Variants in PEAK1 observed in about 807,000 individuals in gnomAD.
PEAK1 encodes the protein inactive tyrosine-protein kinase PEAK1.
Under a neutral mutation model 124.7 loss-of-function variants are expected in PEAK1, and 54 were observed. That is an observed-to-expected ratio of 0.43 (90% confidence interval 0.35 to 0.54). The LOEUF (loss-of-function observed/expected upper bound fraction) is 0.54. Among genes scored for constraint, PEAK1 ranks in the 20% least tolerant of loss-of-function variants. The probability of loss-of-function intolerance (pLI) is 0.01; values close to 1 mark genes in which losing one functional copy is unlikely to be tolerated. For synonymous variants in PEAK1, 719 were observed against 760.0 expected (o/e 0.95, Z 0.89); for missense variants, 2,046 against 2,134.5 (o/e 0.96, Z 0.82).
Position 77,133,403 on chromosome 15 carries a change from G to A in PEAK1, c.3679C>T (p.Pro1227Ser). ...ATGCTGTTTGCTGCTGAGGGGACAG[G>A]TCTCTCCTTGCGCAAAGGCCTTTCC... ...SLERPLRKER[P>S]VPSAANSISS... The change falls in exon 9 of 10, where the codon CCT becomes TCT. Residue 1227 changes from proline to serine, a missense_variant. By Grantham distance (74) the Pro-to-Ser change is moderately conservative. Coordinates refer to ENST00000682557, the MANE Select transcript of PEAK1 (RefSeq NM_001385026.1). This position sits in a 1 kb window ranked among gnomAD's most constrained non-coding sequence, Gnocchi z 4.2. The A allele has an allele frequency of 6.2e-7, 1 of 1,614,176 alleles. No homozygotes were observed. Among genetic ancestry groups the A allele is most frequent in the Non-Finnish European group, 8.5e-7 (1 of 1,180,030 alleles).
At chr15:77,246,973 G>A (rs930845006) in intron 6 of PEAK1, among the ~76,000 whole-genome samples, 8 of 152,130 alleles carry the variant, frequency 5.3e-5, no homozygotes, top group Non-Finnish European at 1.2e-4. Context: ...AGCCGAGATC[G>A]TGCCAGTGAA....
intron 6 of PEAK1, among the ~76,000 whole-genome samples, chr15:77,218,471 C>A (rs117873713): frequency 4.6e-5 from 7 of 151,738 alleles, no homozygotes; most frequent in Non-Finnish European, 7.4e-5. Flanking sequence ...CACTGCAACC[C>A]TGGGATGATT....
At chr15:77,349,516 T>C (rs1054934352) in intron 2 of PEAK1, 17 of 985,010 alleles carry the variant, frequency 1.7e-5, no homozygotes, top group African/African-American at 1.0e-4. Flanking sequence ...TAATATAATG[T>C]AGCAAGACTT....
chr15:77,293,451 A>C (rs2063327250), intron 2 of PEAK1, among the ~76,000 whole-genome samples: 1 of 152,172 alleles, frequency 6.6e-6, no homozygotes, highest in African/African-American at 2.4e-5. Flanking sequence ...CCCTCTTTGA[A>C]TATGCCATGC....
In PEAK1 at chr15:77,182,007, A is replaced by G. The variant is rs1193144577; in HGVS notation, c.-81T>C. ...TCATCTGTTAGTTTTCACTTCCCCT[A>G]TGTGTTACAGCAGCTCTTCTAAGAA... On this transcript the variant is annotated 5_prime_UTR_variant, in exon 7 of 10. Coordinates refer to ENST00000682557, the MANE Select transcript of PEAK1 (RefSeq NM_001385026.1). 4.0e-6 allele frequency: 6 copies of G among 1,496,856 alleles called. No homozygotes were observed. In the East Asian group the frequency reaches 9.1e-5, roughly 23 times the overall value. 92.7% of individuals were successfully genotyped at this position (1,496,856 alleles called of 1,614,324 possible).
Position 77,133,233 on chromosome 15 carries a change from C to T in PEAK1, c.3849G>A (p.Arg1283=). Reference sequence around the variant, plus strand: ...TTCGGATTTTACCCACTACTTCCTCCCGATTCTCAAGTCCTCGATAAAGTG... The same window carrying T: ...TTCGGATTTTACCCACTACTTCCTCTCGATTCTCAAGTCCTCGATAAAGTG... ...RQALYRGLEN[R]EEVVGKIRSL... Residue 1283 remains arginine, a synonymous_variant, in exon 9 of 10, where the codon CGG becomes CGA. Coordinates refer to ENST00000682557, the MANE Select transcript of PEAK1 (RefSeq NM_001385026.1). The surrounding 1 kb of genome is among the most constrained non-coding windows in gnomAD (Gnocchi z 4.2). 1 of 1,614,234 alleles carries T rather than the reference C, an allele frequency of 6.2e-7. No homozygotes were observed. Among genetic ancestry groups the T allele is most frequent in the Non-Finnish European group, 8.5e-7 (1 of 1,180,044 alleles).
chr15:77,171,416 G>A (rs2056493973), intron 7 of PEAK1, among the ~76,000 whole-genome samples: 1 of 151,980 alleles, frequency 6.6e-6, no homozygotes, highest in African/African-American at 2.4e-5. Context: ...GTGAAATAAT[G>A]CCAGGAACAA....
rs544000853 is a variant in PEAK1 at position 77,418,449 on chromosome 15, T to C, written c.-666+1557A>G. ...GCAATGAAAAGGGGATGTTTGTTTT[T>C]TCACATAGTTTGTGAGTTGGTCATA... is the stretch of plus-strand genomic sequence containing the variant. On this transcript the variant is annotated intron_variant, in intron 1 of 9. Coordinates refer to ENST00000682557, the MANE Select transcript of PEAK1 (RefSeq NM_001385026.1). The C allele has an allele frequency of 1.9e-4, 186 of 985,472 alleles. No homozygotes were observed. The African/African-American group carries it at 3.1e-3, about 16-fold the overall frequency. The allele number at this position is 985,472 out of a possible 1,614,324, so 61.0% of individuals were successfully genotyped here. A position where few individuals can be genotyped will look rare whatever the true frequency, so the allele number is the denominator to read the frequency against.
At chr15:77,408,366 A>G (rs1321207978) in intron 1 of PEAK1, among the ~76,000 whole-genome samples, 1 of 151,584 alleles carries the variant, frequency 6.6e-6, no homozygotes, top group Non-Finnish European at 1.5e-5. Context: ...TAAGAATGAT[A>G]AAATGGACTT....
intron 6 of PEAK1, among the ~76,000 whole-genome samples, chr15:77,214,345 G>A (rs537300081): frequency 3.6e-4 from 54 of 151,980 alleles, no homozygotes; most frequent in Middle Eastern, 3.4e-3. Flanking sequence ...GGCTGGGCGC[G>A]GTGGCTCACG....
At position 77,225,666 on chromosome 15, in the gene PEAK1, TTATATATATATATATATA is replaced by T. The variant is rs55958042; in HGVS notation, c.-115+26683_-115+26700del. ...GTGTGTGTGTGTGTGTGTGTATAAT[TTATATATATATATATATA>T]TATATATATATATGACAATTCTAGA... On this transcript the variant is annotated intron_variant, in intron 6 of 9. Transcript: ENST00000682557. Among the ~76,000 whole-genome samples, 6 of 87,986 alleles carry T rather than the reference TTATATATATATATATATA, an allele frequency of 6.8e-5. No homozygotes were observed. The South Asian group carries it at 1.7e-3, about 25-fold the overall frequency. The allele number at this position is 87,986 out of a possible 152,430, so 57.7% of individuals were successfully genotyped here. A position where few individuals can be genotyped will look rare whatever the true frequency, so the allele number is the denominator to read the frequency against.
At chr15:77,315,879 T>G (rs751657418) in intron 2 of PEAK1, among the ~76,000 whole-genome samples, 2 of 152,110 alleles carry the variant, frequency 1.3e-5, no homozygotes, top group Admixed American at 6.5e-5. Flanking sequence ...GTATCCTAGA[T>G]GGGTTCCTGG....
intron 9 of PEAK1, among the ~76,000 whole-genome samples, chr15:77,127,624 G>C (rs539429339): frequency 1.3e-5 from 2 of 152,334 alleles, no homozygotes; most frequent in African/African-American, 4.8e-5. Flanking sequence ...AAACTTGCAA[G>C]AGATGCAATT....
intron 2 of PEAK1, among the ~76,000 whole-genome samples, chr15:77,356,526 A>T (rs570132300): frequency 6.6e-6 from 1 of 152,220 alleles, no homozygotes; most frequent in Non-Finnish European, 1.5e-5. Flanking sequence ...ACTCAATAGA[A>T]TATCTTGCAT....
intron 1 of PEAK1, among the ~76,000 whole-genome samples, chr15:77,409,291 T>C (rs1055849080): frequency 1.9e-4 from 29 of 152,218 alleles, no homozygotes; most frequent in Admixed American, 1.7e-3. Flanking sequence ...AGCACACACA[T>C]GATACTATGC....
chr15:77,143,687 C>T (rs142466035), intron 8 of PEAK1, among the ~76,000 whole-genome samples: 13 of 152,268 alleles, frequency 8.5e-5, no homozygotes, highest in African/African-American at 3.1e-4. Flanking sequence ...AAATATTCTG[C>T]TTCTAGGGAA....
intron 2 of PEAK1, among the ~76,000 whole-genome samples, chr15:77,288,560 T>C (rs566287127): frequency 1.3e-5 from 2 of 152,342 alleles, no homozygotes; most frequent in South Asian, 4.1e-4. Context: ...GGAAACTAAA[T>C]GGATTTTAGT....
At chr15:77,275,720 A>G (rs1030933805) in intron 5 of PEAK1, among the ~76,000 whole-genome samples, 2 of 151,828 alleles carry the variant, frequency 1.3e-5, no homozygotes, top group East Asian at 1.9e-4. Flanking sequence ...AAAAATAAAT[A>G]AATAAATAAA....
intron 2 of PEAK1, among the ~76,000 whole-genome samples, chr15:77,323,055 C>G (rs918527102): frequency 5.7e-4 from 87 of 152,212 alleles, no homozygotes; most frequent in Middle Eastern, 3.4e-3. Flanking sequence ...TCAATAGATG[C>G]AGAAAAGGCC....
Sources: gnomAD v4.1 joint callset for allele counts (sites outside exome capture counted in the v4.1 genomes callset) on GRCh38, gnomAD v4.1.1 for gene constraint, Gnocchi (gnomAD v3.1) non-coding constraint, MANE v1.5 for transcripts, NCBI Gene and HGNC (gene_info 2026-07-23, HGNC 2026-07-21) for gene names.